RB1: variants seen among roughly 807,000 people sequenced by gnomAD.
RB1 encodes RB transcriptional corepressor 1.
A neutral mutation model predicts 135.4 loss-of-function variants in RB1; 18 were observed. That is an observed-to-expected ratio of 0.13 (90% confidence interval 0.09 to 0.20). RB1 has a LOEUF of 0.20. RB1 is among the 10% of genes least tolerant of loss of function. The pLI is 1.00. For missense variants in RB1, 868 were observed against 1,110.0 expected (o/e 0.78, Z 3.10); for synonymous variants, 365 against 373.2 (o/e 0.98, Z 0.25).
At chr13:48,428,549 A>G (rs768810366) in intron 17 of RB1, among the ~76,000 whole-genome samples, 5 of 152,284 alleles carry the variant, frequency 3.3e-5, no homozygotes, top group Admixed American at 6.5e-5. Flanking sequence ...CTTGGTCCAT[A>G]GCTTAGGTAA....
intron 2 of RB1, among the ~76,000 whole-genome samples, chr13:48,334,176 T>A (rs970396908): frequency 2.6e-5 from 4 of 152,160 alleles, no homozygotes; most frequent in Admixed American, 2.0e-4. Context: ...GGGTGACTGA[T>A]TCACATGGTG....
At chr13:48,331,375 A>G (rs1952334997) in intron 2 of RB1, among the ~76,000 whole-genome samples, 1 of 152,244 alleles carries the variant, frequency 6.6e-6, no homozygotes, top group Admixed American at 6.5e-5. Context: ...ATATGGTAGT[A>G]TTAAAGATGG....
chr13:48,312,210 CTATT>C (rs779290036), intron 2 of RB1, among the ~76,000 whole-genome samples: 16 of 152,070 alleles, frequency 1.1e-4, no homozygotes, highest in Non-Finnish European at 2.2e-4. Flanking sequence ...TGATTTTAAC[CTATT>C]TCTTTTTTAT....
At chr13:48,348,285 C>T (rs770338528) in intron 5 of RB1, among the ~76,000 whole-genome samples, 21 of 151,778 alleles carry the variant, frequency 1.4e-4, no homozygotes, top group Non-Finnish European at 2.1e-4. Context: ...TAACAGTATG[C>T]CCATGTAGAG....
chr13:48,456,312 A>C lies in RB1; in HGVS notation c.1923A>C (p.Pro641=), dbSNP rs1593532069. The change falls in exon 19 of 27, where the codon CCA becomes CCC. Residue 641 remains proline (P), a synonymous_variant. Transcript: ENST00000267163. The part of the protein sequence containing the change: ...QATSAFQTQK[P]LKSTSLSLFY... ...CCTCAGCCTTCCAGACCCAGAAGCC[A>C]TTGAAATCTACCTCTCTTTCACTGT... 6.2e-7 allele frequency: 1 copy of C among 1,614,136 alleles called. No individual in the cohort carries two copies. Among genetic ancestry groups the C allele is most frequent in the South Asian group, 1.1e-5 (1 of 91,094 alleles).
Position 48,370,242 on chromosome 13 carries a change from C to G in RB1, c.1127+1638C>G, listed in dbSNP as rs4151506. ...GGAGAAAACCCTGCTGTCACACCAC[C>G]GACAACAATCAACACAGAAGACTTT... On this transcript the variant is annotated intron_variant, in intron 11 of 26. Coordinates refer to ENST00000267163, the MANE Select transcript of RB1 (RefSeq NM_000321.3). Among the ~76,000 whole-genome samples the G allele has an allele frequency of 1.8e-3, 281 of 152,220 alleles. 2 individuals carry two copies. Among genetic ancestry groups the G allele is most frequent in the Middle Eastern group, 0.01 (3 of 294 alleles).
At chr13:48,453,455 G>A (rs1248227440) in intron 18 of RB1, among the ~76,000 whole-genome samples, 2 of 152,150 alleles carry the variant, frequency 1.3e-5, no homozygotes, top group Non-Finnish European at 2.9e-5. Context: ...AATGTCAAAG[G>A]AAGCAGAAAA....
intron 17 of RB1, among the ~76,000 whole-genome samples, chr13:48,426,315 G>A (rs1418388976): frequency 6.6e-6 from 1 of 152,164 alleles, no homozygotes. Flanking sequence ...AATAAGATTT[G>A]TTTTGTTTTC....
At chr13:48,331,569 T>C (rs1952337066) in intron 2 of RB1, among the ~76,000 whole-genome samples, 1 of 152,222 alleles carries the variant, frequency 6.6e-6, no homozygotes, top group Non-Finnish European at 1.5e-5. Flanking sequence ...GACTCACAGC[T>C]ATTATTCAAA....
chr13:48,348,311 T>C (rs1952516114), intron 5 of RB1, among the ~76,000 whole-genome samples: 1 of 151,940 alleles, frequency 6.6e-6, no homozygotes, highest in Non-Finnish European at 1.5e-5. Flanking sequence ...GAGTTTTTTC[T>C]TGGAAACAGA....
At chr13:48,407,930 G>T (rs557415102) in intron 17 of RB1, among the ~76,000 whole-genome samples, 5 of 152,246 alleles carry the variant, frequency 3.3e-5, no homozygotes, top group Admixed American at 3.3e-4. Context: ...AGGTAGTGAT[G>T]CTTCTTCTTG....
intron 17 of RB1, among the ~76,000 whole-genome samples, chr13:48,388,941 C>G (rs918287745): frequency 1.3e-5 from 2 of 152,090 alleles, no homozygotes; most frequent in Non-Finnish European, 2.9e-5. Context: ...AGGTGGATCA[C>G]TTGAGGCCAG....
chr13:48,418,717 A>T (rs1409471220), intron 17 of RB1, among the ~76,000 whole-genome samples: 2 of 152,024 alleles, frequency 1.3e-5, no homozygotes, highest in Non-Finnish European at 2.9e-5. Context: ...AGCAAAAAAA[A>T]AAAAAAGCAG....
At chr13:48,337,976 A>G (rs1952400068) in intron 2 of RB1, among the ~76,000 whole-genome samples, 2 of 152,190 alleles carry the variant, frequency 1.3e-5, no homozygotes, top group African/African-American at 4.8e-5. Flanking sequence ...TGGGTTGAAA[A>G]TTCTTTTCTT....
intron 9 of RB1, 122 bp downstream of exon 9, chr13:48,365,093 T>A: frequency 8.2e-7 from 1 of 1,226,826 alleles, no homozygotes; most frequent in South Asian, 1.8e-5. Context: ...AAGAAGAATC[T>A]AGCCAAGTAG....
At chr13:48,365,562 C>T (rs1173629144) in intron 9 of RB1, among the ~76,000 whole-genome samples, 4 of 151,818 alleles carry the variant, frequency 2.6e-5, no homozygotes, top group Non-Finnish European at 4.4e-5. Flanking sequence ...CATGGTAAGA[C>T]GAAATATGTG....
At chr13:48,307,111 A>G in intron 1 of RB1, among the ~76,000 whole-genome samples, 169 bp from the exon 2 acceptor site, 1 of 152,232 alleles carries the variant, frequency 6.6e-6, no homozygotes, top group East Asian at 1.9e-4. Flanking sequence ...AGATAATCAT[A>G]TGTTTAAATT....
Position 48,345,319 on chromosome 13 carries a change from C to G in RB1, c.500+120C>G, listed in dbSNP as rs1374699397. 6.0e-6 allele frequency: 7 copies of G among 1,161,060 alleles called. No homozygotes were observed. In the African/African-American group the frequency reaches 1.1e-4, roughly 18 times the overall value. The allele number at this position is 1,161,060 out of a possible 1,614,324, so 71.9% of individuals were successfully genotyped here. On this transcript the variant is annotated intron_variant, in intron 4 of 26. Coordinates refer to ENST00000267163, the MANE Select transcript of RB1 (RefSeq NM_000321.3). ...AGTAAGTATTAATTCTTAGACTTGT[C>G]CCTTTTAATGTTAGCTCATTAATTC...
At chr13:48,399,465 A>C (rs1948674244) in intron 17 of RB1, among the ~76,000 whole-genome samples, 1 of 152,070 alleles carries the variant, frequency 6.6e-6, no homozygotes, top group Non-Finnish European at 1.5e-5. Context: ...TCATATGAAT[A>C]ATCATCCACT....
Sources: allele counts gnomAD v4.1 joint callset (sites outside exome capture counted in the v4.1 genomes callset), GRCh38; gene constraint gnomAD v4.1.1; transcripts MANE v1.5; gene names NCBI Gene and HGNC (gene_info 2026-07-23, HGNC 2026-07-21).